The following NKAIN2 variants were observed in gnomAD, a reference collection of about 807,000 sequenced individuals.
NKAIN2 encodes the protein sodium/potassium-transporting ATPase subunit beta-1-interacting protein 2.
In NKAIN2, 14 loss-of-function variants were observed where a neutral mutation model predicts 32.6. The observed-to-expected ratio is 0.43, with a 90% CI of 0.28 to 0.67. The LOEUF (loss-of-function observed/expected upper bound fraction) is 0.67. NKAIN2 is among the 30% of genes least tolerant of loss of function. NKAIN2 has a pLI of 0.17. For missense variants in NKAIN2, 198 were observed against 258.3 expected (o/e 0.77, Z 1.60); for synonymous variants, 80 against 87.2 (o/e 0.92, Z 0.46).
intron 3 of NKAIN2, among the ~76,000 whole-genome samples, chr6:124,360,202 A>G (rs191242957): frequency 1.9e-4 from 29 of 152,198 alleles, no homozygotes; most frequent in African/African-American, 5.5e-4. Flanking sequence ...TTTTTCATCG[A>G]TGTTCATCAG....
intron 1 of NKAIN2, among the ~76,000 whole-genome samples, chr6:124,071,052 A>C (rs1318616932): frequency 1.3e-5 from 2 of 152,198 alleles, no homozygotes; most frequent in Non-Finnish European, 2.9e-5. Flanking sequence ...AGACACATTT[A>C]TTCATTTTCT....
intron 5 of NKAIN2, among the ~76,000 whole-genome samples, chr6:124,795,913 A>AT (rs1450630613): frequency 6.6e-6 from 1 of 152,054 alleles, no homozygotes; most frequent in Non-Finnish European, 1.5e-5. Flanking sequence ...GGACACTAAC[A>AT]TTTACATCAT....
intron 1 of NKAIN2, among the ~76,000 whole-genome samples, chr6:123,971,694 T>G (rs1582863894): frequency 6.6e-6 from 1 of 152,016 alleles, no homozygotes; most frequent in South Asian, 2.1e-4. Flanking sequence ...GTGGGGAAGG[T>G]TTGGGGGATT....
At chr6:124,316,981 A>G (rs913878490) in intron 2 of NKAIN2, among the ~76,000 whole-genome samples, 1 of 152,086 alleles carries the variant, frequency 6.6e-6, no homozygotes, top group African/African-American at 2.4e-5. Flanking sequence ...CCTTCAGTCC[A>G]TTAGGAGTGG....
At chr6:124,706,996 C>G (rs564107808) in intron 4 of NKAIN2, among the ~76,000 whole-genome samples, 1 of 133,738 alleles carries the variant, frequency 7.5e-6, no homozygotes, top group Admixed American at 7.7e-5. Flanking sequence ...CCCCCTCCCC[C>G]CACCCCACCA....
intron 3 of NKAIN2, among the ~76,000 whole-genome samples, chr6:124,451,824 G>T (rs1448047396): frequency 1.3e-5 from 2 of 152,092 alleles, no homozygotes; most frequent in Non-Finnish European, 2.9e-5. Context: ...CAAGGGAAGA[G>T]ATGGGTTTCT....
At chr6:124,758,478 C>T (rs1180313876) in intron 4 of NKAIN2, among the ~76,000 whole-genome samples, 5 of 152,134 alleles carry the variant, frequency 3.3e-5, no homozygotes, top group African/African-American at 1.2e-4. Flanking sequence ...TCCCAGCCTG[C>T]GTAACTGTGA....
At chr6:124,692,920 TG>T (rs2114543592) in intron 4 of NKAIN2, among the ~76,000 whole-genome samples, 1 of 152,326 alleles carries the variant, frequency 6.6e-6, no homozygotes, top group South Asian at 2.1e-4. Flanking sequence ...AACATTTTTA[TG>T]GTTTTAAATG....
chr6:124,530,627 A>T (rs1779488085), intron 3 of NKAIN2, among the ~76,000 whole-genome samples: 1 of 152,196 alleles, frequency 6.6e-6, no homozygotes. Flanking sequence ...TTTGGTTATG[A>T]AGGTCAAGTC....
At chr6:123,915,545 C>G (rs1432509527) in intron 1 of NKAIN2, among the ~76,000 whole-genome samples, 1 of 152,158 alleles carries the variant, frequency 6.6e-6, no homozygotes, top group Non-Finnish European at 1.5e-5. Context: ...GGCTGAGTGA[C>G]TCAACGTTGT....
At chr6:124,476,061 AGAGAGTGTGTGTGT>A (rs1052917242) in intron 3 of NKAIN2, among the ~76,000 whole-genome samples, 2 of 85,638 alleles carry the variant, frequency 2.3e-5, no homozygotes, top group African/African-American at 1.0e-4. Flanking sequence ...AGAGAGAGAG[AGAGAGTGTGTGTGT>A]GTGTGTGTGT....
At chr6:124,805,503 A>G (rs1042206716) in intron 5 of NKAIN2, among the ~76,000 whole-genome samples, 2 of 152,302 alleles carry the variant, frequency 1.3e-5, no homozygotes, top group East Asian at 1.9e-4. Context: ...CATCACCATC[A>G]TCAAAGACCA....
intron 1 of NKAIN2, among the ~76,000 whole-genome samples, chr6:124,023,184 T>TC: frequency 6.6e-6 from 1 of 151,388 alleles, no homozygotes; most frequent in Admixed American, 6.7e-5. Flanking sequence ...AAAGGATTGA[T>TC]ACAGAAAAAA....
At chr6:124,279,816 A>G (rs11754583) in intron 1 of NKAIN2, among the ~76,000 whole-genome samples, 28,875 of 152,078 alleles carry the variant, frequency 0.19, 2,978 homozygotes, top group East Asian at 0.26. Flanking sequence ...CATTCATTGT[A>G]TAAAAGAAAA....
chr6:124,687,283 G>C (rs1469455389), intron 4 of NKAIN2, among the ~76,000 whole-genome samples: 8 of 139,006 alleles, frequency 5.8e-5, no homozygotes, highest in Non-Finnish European at 4.6e-5. Flanking sequence ...TATAGAGAGA[G>C]AATATATATA....
chr6:124,663,968 G>A (rs1221451165), intron 4 of NKAIN2, among the ~76,000 whole-genome samples: 4 of 152,010 alleles, frequency 2.6e-5, no homozygotes, highest in Non-Finnish European at 4.4e-5. Flanking sequence ...AAATTGAATC[G>A]TCCTTAATTC....
rs146254499 is a variant in NKAIN2, at chr6:124,366,477, T to A, written c.273+11130T>A. 9.3e-3 allele frequency among the ~76,000 whole-genome samples: 1,416 copies of A among 152,192 alleles called. 21 individuals carry two copies. The highest frequency in any genetic ancestry group is 0.033 in the South Asian group (161 of 4,832). On this transcript the variant is annotated intron_variant, in intron 3 of 6. Transcript: ENST00000368417. The stretch of plus-strand genomic sequence containing the variant: ...AAAAAAAAACCATTTTGTGTTCACA[T>A]GATTTCACTGAAAAATTCTTAAAAA...
chr6:124,321,101 C>G (rs564112998), intron 2 of NKAIN2, among the ~76,000 whole-genome samples: 1 of 152,142 alleles, frequency 6.6e-6, no homozygotes, highest in South Asian at 2.1e-4. Flanking sequence ...TTCATGAAGT[C>G]AAAAATGGTT....
At chr6:124,371,061 T>C (rs1285415232) in intron 3 of NKAIN2, among the ~76,000 whole-genome samples, 1 of 152,144 alleles carries the variant, frequency 6.6e-6, no homozygotes, top group African/African-American at 2.4e-5. Flanking sequence ...ATTCTTCTTG[T>C]CTGTTTCTTG....
Sources: allele counts gnomAD v4.1 joint callset (sites outside exome capture counted in the v4.1 genomes callset), GRCh38; gene constraint gnomAD v4.1.1; transcripts MANE v1.5; gene names NCBI Gene and HGNC (gene_info 2026-07-23, HGNC 2026-07-21).